DLG1: variants seen among roughly 807,000 people sequenced by gnomAD.
DLG1 encodes the protein disks large homolog 1.
Under a neutral mutation model 123.4 loss-of-function variants are expected in DLG1, and 42 were observed. The observed-to-expected ratio is 0.34, with a 90% CI of 0.27 to 0.44. The LOEUF (loss-of-function observed/expected upper bound fraction) is 0.44. Among genes scored for constraint, DLG1 ranks in the 20% least tolerant of loss-of-function variants. The pLI, the probability that DLG1 is intolerant of heterozygous loss-of-function variation, is 1.00. For synonymous variants in DLG1, 317 were observed against 356.2 expected, an observed-to-expected ratio of 0.89 and a Z score of 1.24; for missense variants, 942 against 1,082.6, an observed-to-expected ratio of 0.87 and a Z score of 1.82.
chr3:197,204,842 C>A (rs1262484369), intron 4 of DLG1, among the ~76,000 whole-genome samples: 1 of 152,040 alleles, frequency 6.6e-6, no homozygotes, highest in Non-Finnish European at 1.5e-5. Flanking sequence ...ATTTTGGTAT[C>A]CTGAACCCAA....
chr3:197,093,882 C>T (rs1759184961), intron 14 of DLG1, among the ~76,000 whole-genome samples: 1 of 152,172 alleles, frequency 6.6e-6, no homozygotes, highest in Non-Finnish European at 1.5e-5. Context: ...TCTAATTCCC[C>T]TCTCCTGGAA....
chr3:197,091,164 T>C (rs1248980775), intron 14 of DLG1, 138 bp from the exon 15 acceptor site: 5 of 517,894 alleles, frequency 9.7e-6, no homozygotes, highest in Non-Finnish European at 1.7e-5. Flanking sequence ...GCGAAAGATT[T>C]TGCCCAACAC....
At chr3:197,104,823 T>TAA in intron 14 of DLG1, 80 bp downstream of exon 14, 1 of 993,718 alleles carries the variant, frequency 1.0e-6, no homozygotes, top group Non-Finnish European at 1.5e-6. Flanking sequence ...GCTTGGAAGT[T>TAA]AAACATTATT....
chr3:197,056,403 A>G (rs1001569726), intron 23 of DLG1, among the ~76,000 whole-genome samples: 2 of 152,238 alleles, frequency 1.3e-5, no homozygotes, highest in African/African-American at 4.8e-5. Context: ...ATCTATAGTC[A>G]TAATTAAGAC....
intron 14 of DLG1, among the ~76,000 whole-genome samples, chr3:197,102,661 A>G (rs1215218593): frequency 1.3e-5 from 2 of 152,180 alleles, no homozygotes; most frequent in African/African-American, 4.8e-5. Context: ...CAGGCAGATC[A>G]CCTGAGGTCA....
At chr3:197,121,812 G>C (rs1318957039) in intron 11 of DLG1, among the ~76,000 whole-genome samples, 1 of 99,424 alleles carries the variant, frequency 1.0e-5, no homozygotes, top group Non-Finnish European at 1.9e-5. Flanking sequence ...ATCAATGCTT[G>C]ACAATCACCA....
intron 10 of DLG1, among the ~76,000 whole-genome samples, chr3:197,134,430 A>G (rs963715479): frequency 6.7e-5 from 10 of 150,058 alleles, no homozygotes; most frequent in Non-Finnish European, 1.2e-4. Flanking sequence ...CATGTTCACC[A>G]GAACACACAG....
Position 197,081,128 on chromosome 3 carries a change from A to C in DLG1, c.1839-11T>G, listed in dbSNP as rs1284751851. The C allele has an allele frequency of 6.2e-7, 1 of 1,607,412 alleles. No individual in the cohort carries two copies. Among genetic ancestry groups the C allele is most frequent in the Non-Finnish European group, 8.5e-7 (1 of 1,177,318 alleles). ...TCTTTCTTCTCAACTCTGTCAAAGT[A>C]TAGAATGTTATTTTTTAAGTAAACC... On this transcript the variant is annotated splice_polypyrimidine_tract_variant and intron_variant, in intron 16 of 24. Coordinates refer to ENST00000667157, the MANE Select transcript of DLG1 (RefSeq NM_001366207.1).
intron 4 of DLG1, among the ~76,000 whole-genome samples, chr3:197,264,235 A>G (rs770735621): frequency 5.9e-5 from 9 of 152,188 alleles, no homozygotes; most frequent in Non-Finnish European, 1.2e-4. Context: ...TCAGTTTTAT[A>G]CGGTTTAAGT....
At chr3:197,049,158 A>G (rs943188432) in intron 24 of DLG1, among the ~76,000 whole-genome samples, 1 of 151,972 alleles carries the variant, frequency 6.6e-6, no homozygotes, top group African/African-American at 2.4e-5. Context: ...CTCTACTAAA[A>G]ATACAAAAAT....
chr3:197,177,870 G>A (rs1354325242), intron 5 of DLG1, among the ~76,000 whole-genome samples: 1 of 152,048 alleles, frequency 6.6e-6, no homozygotes, highest in Non-Finnish European at 1.5e-5. Context: ...CTATTACAAT[G>A]CTAAATAAAG....
At chr3:197,111,706 G>C (rs1560749052) in intron 13 of DLG1, among the ~76,000 whole-genome samples, 1 of 152,130 alleles carries the variant, frequency 6.6e-6, no homozygotes, top group East Asian at 1.9e-4. Flanking sequence ...CCAATCACTG[G>C]CAACCACTTT....
chr3:197,133,746 G>A (rs1383987813), intron 10 of DLG1, among the ~76,000 whole-genome samples: 2 of 152,136 alleles, frequency 1.3e-5, no homozygotes, highest in Admixed American at 6.5e-5. Context: ...GATATGAGGA[G>A]GCACCAGACA....
intron 10 of DLG1, among the ~76,000 whole-genome samples, chr3:197,131,589 T>TTA (rs1553941412): frequency 5.7e-5 from 5 of 87,130 alleles, no homozygotes; most frequent in Non-Finnish European, 1.3e-4. Flanking sequence ...CCTTTCTTTT[T>TTA]TTTTTTTTTT....
Position 197,113,790 on chromosome 3 carries a change from T to C in DLG1, c.1443+2137A>G, listed in dbSNP as rs544703908. On this transcript the variant is annotated intron_variant, in intron 13 of 24. Transcript: ENST00000667157. ...AGATATAGATAAGATATAGTTAAGA[T>C]ACAGTTATAGGTAAGGTATAGATAA... 2.3e-4 allele frequency among the ~76,000 whole-genome samples: 35 copies of C among 152,280 alleles called. 1 individual carries two copies. Among genetic ancestry groups the C allele is most frequent in the South Asian group, 1.4e-3 (7 of 4,830 alleles).
intron 6 of DLG1, among the ~76,000 whole-genome samples, chr3:197,148,171 G>C (rs1485416050): frequency 6.9e-6 from 1 of 144,344 alleles, no homozygotes; most frequent in Non-Finnish European, 1.5e-5. Flanking sequence ...GGCTGAGGCG[G>C]GCTGGATGAC....
chr3:197,173,442 G>A (rs1340845907), intron 5 of DLG1, among the ~76,000 whole-genome samples: 1 of 152,130 alleles, frequency 6.6e-6, no homozygotes, highest in African/African-American at 2.4e-5. Context: ...GACTCCGCAT[G>A]GAGGTAATTT....
chr3:197,159,702 C>T (rs1798009315), intron 5 of DLG1, among the ~76,000 whole-genome samples: 1 of 152,134 alleles, frequency 6.6e-6, no homozygotes, highest in Non-Finnish European at 1.5e-5. Context: ...TAATTAGGAA[C>T]ACACTTATTC....
intron 4 of DLG1, among the ~76,000 whole-genome samples, chr3:197,211,594 A>G (rs1731290679): frequency 6.8e-6 from 1 of 146,496 alleles, no homozygotes; most frequent in South Asian, 2.6e-4. Flanking sequence ...TATTATTAAA[A>G]AGTCAAAAAA....
Sources: allele counts gnomAD v4.1 joint callset (sites outside exome capture counted in the v4.1 genomes callset), GRCh38; gene constraint gnomAD v4.1.1; transcripts MANE v1.5; gene names NCBI Gene and HGNC (gene_info 2026-07-23, HGNC 2026-07-21).